Variants in CD4 observed in about 807,000 individuals in gnomAD.
The protein encoded by CD4 is T-cell surface glycoprotein CD4.
In CD4, 25 loss-of-function variants were observed where a neutral mutation model predicts 50.5. That is an observed-to-expected ratio of 0.49 (90% CI 0.36 to 0.69). CD4 has a LOEUF of 0.69. Ranked by LOEUF, CD4 falls within the 30% of genes least tolerant of loss-of-function variation. CD4 has a pLI of 0.00. For missense variants in CD4, 456 were observed against 548.5 expected (o/e 0.83, Z 1.68); for synonymous variants, 207 against 221.9 (o/e 0.93, Z 0.60).
chr12:6,793,761 C>T (rs975214808), intron 1 of CD4, among the ~76,000 whole-genome samples: 2 of 147,534 alleles, frequency 1.4e-5, no homozygotes, highest in African/African-American at 5.1e-5. Context: ...TGCAGTGGCA[C>T]TACAAGTAAT....
chr12:6,810,992 G>C (rs1177239992), intron 3 of CD4, among the ~76,000 whole-genome samples: 3 of 152,132 alleles, frequency 2.0e-5, no homozygotes, highest in Non-Finnish European at 4.4e-5. Flanking sequence ...AGGTTGTCTG[G>C]AAGGGGCTCC....
rs567896962 is a variant in CD4 at position 6,801,395 on chromosome 12, T to A, written c.214+924T>A. ...AGCCAGGTGTGGGGGTGCAGTCCTG[T>A]ACTTCCAGCTACTCAGGAGGCTGAG... is the stretch of plus-strand genomic sequence containing the variant. On this transcript the variant is annotated intron_variant, in intron 3 of 9. Coordinates refer to ENST00000011653, the MANE Select transcript of CD4 (RefSeq NM_000616.5). 8.1e-5 allele frequency among the ~76,000 whole-genome samples: 12 copies of A among 148,572 alleles called. No individual in the cohort carries two copies. In the South Asian group the frequency reaches 2.2e-3, roughly 27 times the overall value.
intron 1 of CD4, among the ~76,000 whole-genome samples, chr12:6,794,384 T>A (rs1179127649): frequency 6.7e-6 from 1 of 149,112 alleles, no homozygotes; most frequent in Admixed American, 6.7e-5. Flanking sequence ...TATCTTTTTT[T>A]TTTTTGAGAT....
chr12:6,809,321 C>A (rs1555116690), intron 3 of CD4, among the ~76,000 whole-genome samples: 2 of 152,042 alleles, frequency 1.3e-5, no homozygotes, highest in African/African-American at 4.8e-5. Flanking sequence ...CAGGGCGAAA[C>A]CTCGTCTCTA....
At chr12:6,791,328 C>T (rs1264684056) in intron 1 of CD4, among the ~76,000 whole-genome samples, 1 of 152,182 alleles carries the variant, frequency 6.6e-6, no homozygotes, top group African/African-American at 2.4e-5. Flanking sequence ...CTGCAGCCTC[C>T]ACCTCCTGGG....
At chr12:6,803,739 C>T (rs988083645) in intron 3 of CD4, among the ~76,000 whole-genome samples, 31 of 151,046 alleles carry the variant, frequency 2.1e-4, no homozygotes, top group Non-Finnish European at 4.1e-4. Context: ...GAGCTGAGAC[C>T]GTGCCATTGC....
At chr12:6,802,203 C>G (rs543713827) in intron 3 of CD4, among the ~76,000 whole-genome samples, 2 of 151,872 alleles carry the variant, frequency 1.3e-5, no homozygotes, top group Non-Finnish European at 2.9e-5. Context: ...CTATTATATG[C>G]TCATTACAAA....
intron 1 of CD4, among the ~76,000 whole-genome samples, chr12:6,795,634 G>A (rs552542422): frequency 6.6e-6 from 1 of 152,378 alleles, no homozygotes; most frequent in South Asian, 2.1e-4. Context: ...CTGAAGAAGT[G>A]AAAATGGTGT....
rs1182424454 is a variant in CD4, at chr12:6,816,546, T to A, written c.955+143T>A. The A allele has an allele frequency of 1.4e-6, 1 of 713,990 alleles. No individual in the cohort carries two copies. The highest frequency in any genetic ancestry group is 1.8e-5 in the African/African-American group (1 of 55,590). The allele number at this position is 713,990 out of a possible 1,614,324, so 44.2% of individuals were successfully genotyped here. ...ATGAAGTGAGGGAGGGCCCTCTGGG[T>A]TTGGGGCTGGTTTTGAACTGAGACA... On this transcript the variant is annotated intron_variant, in intron 6 of 9. Coordinates refer to ENST00000011653, the MANE Select transcript of CD4 (RefSeq NM_000616.5). The surrounding 1 kb of genome is among the most constrained non-coding windows in gnomAD (Gnocchi z 4.9).
In CD4 at chr12:6,816,388, C is replaced by G; in HGVS notation, c.940C>G (p.Leu314Val). ...AGGAAAGTTGCATCAGGAAGTGAACCTGGTGGTGATGAGAGGTGAGGGGCC... is the reference window on the plus strand; with the variant it reads ...AGGAAAGTTGCATCAGGAAGTGAACGTGGTGGTGATGAGAGGTGAGGGGCC... Reference protein sequence around the residue: ...KTGKLHQEVNLVVMRATQLQK... With the variant: ...KTGKLHQEVNVVVMRATQLQK... The change falls in exon 6 of 10, where the codon CTG becomes GTG. Residue 314 changes from leucine (L) to valine (V), a missense_variant. Coordinates refer to ENST00000011653, the MANE Select transcript of CD4 (RefSeq NM_000616.5). The surrounding 1 kb of genome is among the most constrained non-coding windows in gnomAD (Gnocchi z 4.9). 3.7e-6 allele frequency: 6 copies of G among 1,611,988 alleles called. No individual in the cohort carries two copies. The highest frequency in any genetic ancestry group is 5.1e-6 in the Non-Finnish European group (6 of 1,178,882).
rs781948963 is a variant in CD4 at position 6,818,099 on chromosome 12, C to T, written c.1157-322C>T. The stretch of plus-strand genomic sequence containing the variant: ...ACACATGGACTCACACGCGCACACG[C>T]GCGCACACACACACATTCACACCAT... On this transcript the variant is annotated intron_variant, in intron 7 of 9. Coordinates refer to ENST00000011653, the MANE Select transcript of CD4 (RefSeq NM_000616.5). The surrounding 1 kb of genome is among the most constrained non-coding windows in gnomAD (Gnocchi z 5.0). Among the ~76,000 whole-genome samples the T allele has an allele frequency of 1.6e-4, 7 of 43,116 alleles. No individual in the cohort carries two copies. Among genetic ancestry groups the T allele is most frequent in the East Asian group, 2.7e-3 (1 of 374 alleles). 28.3% of individuals were successfully genotyped at this position (43,116 alleles called of 152,430 possible).
In CD4 at chr12:6,819,364, C is replaced by T. The variant is rs1555118681; in HGVS notation, c.*35C>T. On this transcript the variant is annotated 3_prime_UTR_variant, in exon 10 of 10. Coordinates refer to ENST00000011653, the MANE Select transcript of CD4 (RefSeq NM_000616.5). ...CCAGGCAGATCCCACTTGCAGCCTC[C>T]CCAGGTGTCTGCCCCGCGTTTCCTG... is the stretch of plus-strand genomic sequence containing the variant. The T allele has an allele frequency of 1.9e-6, 3 of 1,608,692 alleles. No homozygotes were observed. Among genetic ancestry groups the T allele is most frequent in the Non-Finnish European group, 2.6e-6 (3 of 1,175,198 alleles).
At chr12:6,794,369 A>C (rs956922890) in intron 1 of CD4, among the ~76,000 whole-genome samples, 14 of 144,148 alleles carry the variant, frequency 9.7e-5, no homozygotes, top group African/African-American at 3.6e-4. Flanking sequence ...GCCTGGACAT[A>C]TATCTATCTT....
intron 7 of CD4, 120 bp downstream of exon 7, chr12:6,817,450 T>C (rs1943110764): frequency 1.2e-6 from 1 of 806,098 alleles, no homozygotes. Context: ...GGGTATGGTG[T>C]CCTCTGTGGT....
intron 1 of CD4, among the ~76,000 whole-genome samples, chr12:6,797,337 G>A (rs1942402139): frequency 6.6e-6 from 1 of 151,992 alleles, no homozygotes; most frequent in African/African-American, 2.4e-5. Flanking sequence ...CCACTCAGAG[G>A]CCTTGTAGGG....
Position 6,816,842 on chromosome 12 carries a change from T to A in CD4, c.956-288T>A, listed in dbSNP as rs1943095234. On this transcript the variant is annotated intron_variant, in intron 6 of 9. Transcript: ENST00000011653. The surrounding 1 kb of genome is among the most constrained non-coding windows in gnomAD (Gnocchi z 4.9). ...CTCTGCAAATAGTAATGGCTAACAC[T>A]TGATGCTCAGCACGTGTCGGGCCCC... Among the ~76,000 whole-genome samples the A allele has an allele frequency of 6.6e-6, 1 of 152,218 alleles. No homozygotes were observed. Among genetic ancestry groups the A allele is most frequent in the Admixed American group, 6.5e-5 (1 of 15,284 alleles).
chr12:6,816,953 A>G lies in CD4; in HGVS notation c.956-177A>G, dbSNP rs970890093. ...ACTTGCCCAGAGACACACAGCTGCTAAGCAGTGGAGCTGGGATTCAAATCC... is the reference window on the plus strand; with the variant it reads ...ACTTGCCCAGAGACACACAGCTGCTGAGCAGTGGAGCTGGGATTCAAATCC... On this transcript the variant is annotated intron_variant, in intron 6 of 9. Coordinates refer to ENST00000011653, the MANE Select transcript of CD4 (RefSeq NM_000616.5). This position sits in a 1 kb window ranked among gnomAD's most constrained non-coding sequence, Gnocchi z 4.9. 3.3e-5 allele frequency among the ~76,000 whole-genome samples: 5 copies of G among 152,186 alleles called. No individual in the cohort carries two copies. Among genetic ancestry groups the G allele is most frequent in the African/African-American group, 1.2e-4 (5 of 41,438 alleles).
chr12:6,801,836 A>G (rs1282168165), intron 3 of CD4, among the ~76,000 whole-genome samples: 2 of 149,664 alleles, frequency 1.3e-5, no homozygotes, highest in Non-Finnish European at 3.0e-5. Context: ...CTGGGATTAC[A>G]GGCGTGAGTC....
Position 6,814,798 on chromosome 12 carries a change from G to A in CD4, c.413G>A (p.Ser138Asn). 1 of 1,613,732 alleles carries A rather than the reference G, an allele frequency of 6.2e-7. No individual in the cohort carries two copies. The highest frequency in any genetic ancestry group is 8.5e-7 in the Non-Finnish European group (1 of 1,179,786). Reference sequence around the variant, plus strand: ...GACACCCACCTGCTTCAGGGGCAGAGCCTGACCCTGACCTTGGAGAGCCCC... The same window carrying A: ...GACACCCACCTGCTTCAGGGGCAGAACCTGACCCTGACCTTGGAGAGCCCC... ...NSDTHLLQGQSLTLTLESPPG... is the reference protein window; with the variant it reads ...NSDTHLLQGQNLTLTLESPPG... The change falls in exon 5 of 10, where the codon AGC (serine) becomes AAC (asparagine). Residue 138 changes from serine (S) to asparagine (N), a missense_variant. By Grantham distance (46) the Ser-to-Asn change is conservative. Coordinates refer to ENST00000011653, the MANE Select transcript of CD4 (RefSeq NM_000616.5).
Sources: allele counts gnomAD v4.1 joint callset (sites outside exome capture counted in the v4.1 genomes callset), GRCh38; gene constraint gnomAD v4.1.1; non-coding constraint Gnocchi (gnomAD v3.1); transcripts MANE v1.5; gene names NCBI Gene and HGNC (gene_info 2026-07-23, HGNC 2026-07-21).